The following SDK1 variants were observed in gnomAD, a reference collection of about 807,000 sequenced individuals.
SDK1 encodes the protein sidekick cell adhesion molecule 1, also known as protein sidekick-1.
Under a neutral mutation model 245.5 loss-of-function variants are expected in SDK1, and 157 were observed. That is an observed-to-expected ratio of 0.64 (90% CI 0.56 to 0.73). The LOEUF (loss-of-function observed/expected upper bound fraction) is 0.73. Among genes scored for constraint, SDK1 ranks in the 30% least tolerant of loss-of-function variants. The pLI is 0.00. For missense variants in SDK1, 3,583 were observed against 3,002.3 expected, an observed-to-expected ratio of 1.19 and a Z score of -4.52; for synonymous variants, 1,647 against 1,278.5, an observed-to-expected ratio of 1.29 and a Z score of -6.15.
intron 1 of SDK1, among the ~76,000 whole-genome samples, chr7:3,525,665 A>C (rs1783103785): frequency 6.6e-6 from 1 of 152,060 alleles, no homozygotes; most frequent in Non-Finnish European, 1.5e-5. Context: ...GAAGGGATTA[A>C]TTTGGCAGGT....
chr7:3,523,124 C>A (rs572436091), intron 1 of SDK1, among the ~76,000 whole-genome samples: 1 of 152,208 alleles, frequency 6.6e-6, no homozygotes, highest in Non-Finnish European at 1.5e-5. Context: ...TTGGAAATGG[C>A]AATATTTGTA....
At position 3,884,076 on chromosome 7, in the gene SDK1, TTTTTTTG is replaced by T. The variant is rs1331967171; in HGVS notation, c.847+62500_847+62506del. 8.4e-3 allele frequency among the ~76,000 whole-genome samples: 1,151 copies of T among 137,840 alleles called. 8 individuals carry two copies. Among genetic ancestry groups the T allele is most frequent in the African/African-American group, 0.032 (1,101 of 34,544 alleles). The allele number at this position is 137,840 out of a possible 152,430, so 90.4% of individuals were successfully genotyped here. On this transcript the variant is annotated intron_variant, in intron 5 of 44. Transcript: ENST00000404826. ...TGTTTGTTTGTTTTTTGTTTGTTTG[TTTTTTTG>T]TTTTTTTTTTTTTTTGAGACAGGGT...
intron 1 of SDK1, among the ~76,000 whole-genome samples, chr7:3,600,600 G>A (rs1330265359): frequency 1.4e-5 from 2 of 143,660 alleles, no homozygotes; most frequent in African/African-American, 5.2e-5. Flanking sequence ...TGTTGCCTAG[G>A]CTGGAGTGCA....
At chr7:3,314,471 A>G (rs1779617394) in intron 1 of SDK1, among the ~76,000 whole-genome samples, 1 of 152,212 alleles carries the variant, frequency 6.6e-6, no homozygotes, top group African/African-American at 2.4e-5. Flanking sequence ...GCTGAGATAA[A>G]GCATACACAA....
chr7:3,550,802 C>T lies in SDK1; in HGVS notation c.299-68278C>T, dbSNP rs73296254. Reference sequence around the variant, plus strand: ...CTTTTAAGAACTCTTGCCATATTTCCTTCTATTTTCATGTTTTGATATTTC... The same window carrying T: ...CTTTTAAGAACTCTTGCCATATTTCTTTCTATTTTCATGTTTTGATATTTC... On this transcript the variant is annotated intron_variant, in intron 1 of 44. Coordinates refer to ENST00000404826, the MANE Select transcript of SDK1 (RefSeq NM_152744.4). 8.2e-3 allele frequency among the ~76,000 whole-genome samples: 1,240 copies of T among 152,096 alleles called. 21 individuals carry two copies. The highest frequency in any genetic ancestry group is 0.028 in the African/African-American group (1,163 of 41,478).
chr7:3,333,663 C>G (rs1220395049), intron 1 of SDK1, among the ~76,000 whole-genome samples: 1 of 152,176 alleles, frequency 6.6e-6, no homozygotes, highest in Admixed American at 6.5e-5. Context: ...CTTCCCTTCT[C>G]TTGTACCCAT....
At position 3,435,898 on chromosome 7, in the gene SDK1, T is replaced by G. The variant is rs1193023143; in HGVS notation, c.298+134014T>G. ...TCCAGTGATCATTTGTTAACAAGAT[T>G]GTGTTAAAGGAAGCAACAAAGGTTC... On this transcript the variant is annotated intron_variant, in intron 1 of 44. Coordinates refer to ENST00000404826, the MANE Select transcript of SDK1 (RefSeq NM_152744.4). 2.0e-5 allele frequency among the ~76,000 whole-genome samples: 3 copies of G among 152,204 alleles called. 1 individual carries two copies. Among genetic ancestry groups the G allele is most frequent in the South Asian group, 4.1e-4 (2 of 4,830 alleles).
At chr7:3,962,105 A>G (rs572150653) in intron 8 of SDK1, among the ~76,000 whole-genome samples, 2 of 152,354 alleles carry the variant, frequency 1.3e-5, no homozygotes, top group East Asian at 3.9e-4. Context: ...ACATGCACAG[A>G]CACACAAACA....
chr7:3,990,908 C>T (rs1013315993), intron 14 of SDK1, among the ~76,000 whole-genome samples: 1 of 152,200 alleles, frequency 6.6e-6, no homozygotes, highest in Non-Finnish European at 1.5e-5. Context: ...TAGCTTGCCT[C>T]CATGAGAAGC....
At chr7:3,680,957 C>G (rs1784081105) in intron 4 of SDK1, among the ~76,000 whole-genome samples, 3 of 152,274 alleles carry the variant, frequency 2.0e-5, no homozygotes, top group Admixed American at 6.5e-5. Context: ...ATTCTCCTGC[C>G]TCAGCCTCCG....
chr7:3,539,745 G>A (rs887898421), intron 1 of SDK1, among the ~76,000 whole-genome samples: 17 of 152,202 alleles, frequency 1.1e-4, no homozygotes, highest in African/African-American at 3.6e-4. Flanking sequence ...AAATGAATGA[G>A]GTTAGGAAGA....
intron 1 of SDK1, among the ~76,000 whole-genome samples, chr7:3,574,180 A>G (rs1224496696): frequency 6.6e-6 from 1 of 151,166 alleles, no homozygotes; most frequent in Non-Finnish European, 1.5e-5. Context: ...GCAGTGGCAC[A>G]ATCTCGGCTC....
intron 1 of SDK1, among the ~76,000 whole-genome samples, chr7:3,351,644 A>G (rs1019858697): frequency 6.6e-6 from 1 of 152,228 alleles, no homozygotes; most frequent in Non-Finnish European, 1.5e-5. Context: ...ACATGTTGAT[A>G]TCAGACAACA....
chr7:4,256,655 G>T (rs1282546438), intron 44 of SDK1, among the ~76,000 whole-genome samples: 1 of 152,240 alleles, frequency 6.6e-6, no homozygotes, highest in Non-Finnish European at 1.5e-5. Context: ...GGAATAAAGA[G>T]TAATGTACGT....
intron 4 of SDK1, among the ~76,000 whole-genome samples, chr7:3,744,589 A>T (rs527510670): frequency 2.7e-4 from 41 of 152,300 alleles, no homozygotes; most frequent in Admixed American, 6.5e-4. Context: ...AGATGGGCAG[A>T]TCACAAAGTC....
At chr7:3,673,442 G>C (rs1022169628) in intron 4 of SDK1, among the ~76,000 whole-genome samples, 14 of 152,108 alleles carry the variant, frequency 9.2e-5, no homozygotes, top group African/African-American at 3.1e-4. Context: ...TCTATTCCTA[G>C]TTGTTTATCA....
At chr7:4,183,404 G>A (rs547367973) in intron 35 of SDK1, among the ~76,000 whole-genome samples, 2 of 152,194 alleles carry the variant, frequency 1.3e-5, no homozygotes, top group South Asian at 4.1e-4. Context: ...GGGAGGCTGA[G>A]GTGGGTGGAT....
At chr7:3,478,530 G>A (rs1234173073) in intron 1 of SDK1, among the ~76,000 whole-genome samples, 1 of 151,678 alleles carries the variant, frequency 6.6e-6, no homozygotes, top group Non-Finnish European at 1.5e-5. Flanking sequence ...TATTTTTAAA[G>A]TTGCATATTC....
intron 4 of SDK1, among the ~76,000 whole-genome samples, chr7:3,676,049 A>C (rs1406681986): frequency 6.6e-6 from 1 of 152,180 alleles, no homozygotes; most frequent in African/African-American, 2.4e-5. Flanking sequence ...GACTGCAGCC[A>C]CAAACTCCCA....
Sources: allele counts gnomAD v4.1 joint callset (sites outside exome capture counted in the v4.1 genomes callset), GRCh38; gene constraint gnomAD v4.1.1; transcripts MANE v1.5; gene names NCBI Gene and HGNC (gene_info 2026-07-23, HGNC 2026-07-21).